WDR77: variants seen among roughly 807,000 people sequenced by gnomAD.
WDR77 encodes WD repeat domain 77, also known as methylosome protein WDR77.
WDR77 carries 31 observed loss-of-function variants against 44.0 expected under a neutral mutation model. The ratio of observed to expected loss-of-function variants is 0.70; its 90% CI spans 0.53 to 0.95. The LOEUF is 0.95. Among genes scored for constraint, WDR77 ranks in the 40% least tolerant of loss-of-function variants. WDR77 has a pLI of 0.00. For synonymous variants in WDR77, 186 were observed against 165.7 expected (o/e 1.12, Z -0.94); for missense variants, 390 against 423.9 (o/e 0.92, Z 0.70).
intron 4 of WDR77, among the ~76,000 whole-genome samples, chr1:111,444,829 G>T (rs966688344): frequency 7.2e-5 from 11 of 152,114 alleles, no homozygotes; most frequent in African/African-American, 2.7e-4. Context: ...CTAATAATGA[G>T]AACTAAAAAA....
intron 1 of WDR77, 89 bp from the exon 2 acceptor site, chr1:111,448,893 G>C: frequency 6.5e-7 from 1 of 1,538,954 alleles, no homozygotes; most frequent in South Asian, 1.2e-5. Flanking sequence ...GCCGGGTCTG[G>C]ATCTGAGCTC....
chr1:111,441,810 C>T (rs562616926), intron 9 of WDR77, among the ~76,000 whole-genome samples: 7 of 152,264 alleles, frequency 4.6e-5, no homozygotes, highest in South Asian at 2.1e-4. Context: ...CCTACCACCC[C>T]CCTCTACCAA....
rs1211993529 is a variant in WDR77, at chr1:111,440,909, C to G, written c.*321G>C. The G allele has an allele frequency of 5.6e-6, 1 of 180,108 alleles. No homozygotes were observed. Among genetic ancestry groups the G allele is most frequent in the Non-Finnish European group, 1.1e-5 (1 of 87,178 alleles). 11.2% of individuals were successfully genotyped at this position (180,108 alleles called of 1,614,324 possible). A position where few individuals can be genotyped will look rare whatever the true frequency, so the allele number is the denominator to read the frequency against. ...CAGCTACATAAAACCCTTTCGTCAA[C>G]TTGTTTTGGGGGGTGAGAGAGAGGC... On this transcript the variant is annotated 3_prime_UTR_variant, in exon 10 of 10. Transcript: ENST00000235090.
chr1:111,447,668 A>T (rs1035925785), intron 2 of WDR77, 92 bp from the exon 3 acceptor site: 15 of 1,473,518 alleles, frequency 1.0e-5, no homozygotes, highest in Admixed American at 6.9e-5. Flanking sequence ...TCACTAAATT[A>T]ACAAAGTAAG....
chr1:111,446,872 T>A (rs1351476737), intron 4 of WDR77: 1 of 543,428 alleles, frequency 1.8e-6, no homozygotes, highest in East Asian at 3.1e-5. Context: ...GTTCTATTCT[T>A]TCCTCCCTTT....
chr1:111,443,755 G>A (rs943300625), intron 6 of WDR77, 112 bp downstream of exon 6: 2 of 1,555,236 alleles, frequency 1.3e-6, no homozygotes, highest in Non-Finnish European at 1.7e-6. Context: ...TGTCACTCAT[G>A]TCACAGTAAC....
chr1:111,447,967 A>T (rs1431530962), intron 2 of WDR77, among the ~76,000 whole-genome samples: 1 of 152,266 alleles, frequency 6.6e-6, no homozygotes, highest in Non-Finnish European at 1.5e-5. Flanking sequence ...GACACTAGTA[A>T]GTATTTGCTG....
At chr1:111,441,921 A>T in intron 9 of WDR77, 104 bp downstream of exon 9, 1 of 1,129,980 alleles carries the variant, frequency 8.8e-7, no homozygotes, top group South Asian at 1.4e-5. Context: ...ACAGATGGAG[A>T]ATCTGTTCTC....
intron 9 of WDR77, 189 bp from the exon 10 acceptor site, chr1:111,441,578 T>A: frequency 7.7e-7 from 1 of 1,293,370 alleles, no homozygotes; most frequent in Non-Finnish European, 9.8e-7. Context: ...TCCAATCCAG[T>A]CTTCTATTTT....
chr1:111,441,747 A>C, intron 9 of WDR77: 1 of 634,010 alleles, frequency 1.6e-6, no homozygotes, highest in Non-Finnish European at 2.4e-6. Context: ...GTGAGAGGGT[A>C]GACTGCCGCC....
intron 1 of WDR77, 99 bp from the exon 2 acceptor site, chr1:111,448,903 C>G: frequency 6.5e-7 from 1 of 1,543,070 alleles, no homozygotes; most frequent in Non-Finnish European, 8.7e-7. Context: ...GATCTGAGCT[C>G]AGGAACGCGG....
At position 111,449,189 on chromosome 1, in the gene WDR77, A is replaced by G. The variant is rs1392839375; in HGVS notation, c.-20T>C. 5.1e-6 allele frequency: 8 copies of G among 1,558,444 alleles called. No individual in the cohort carries two copies. The highest frequency in any genetic ancestry group is 6.0e-6 in the Non-Finnish European group (7 of 1,158,446). ...CCGCATCTCCACGGTTCCAACTCCA[A>G]CCTAGACTCAAACTGGACGCCGGCC... On this transcript the variant is annotated 5_prime_UTR_variant, in exon 1 of 10. Transcript: ENST00000235090.
chr1:111,442,388 C>G (rs988251407), intron 8 of WDR77, among the ~76,000 whole-genome samples: 3 of 152,180 alleles, frequency 2.0e-5, no homozygotes, highest in Non-Finnish European at 4.4e-5. Context: ...GTCCTAGAAG[C>G]CCACAACATT....
intron 2 of WDR77, among the ~76,000 whole-genome samples, chr1:111,448,279 A>G (rs766884567): frequency 1.3e-5 from 2 of 152,158 alleles, no homozygotes; most frequent in Non-Finnish European, 2.9e-5. Context: ...AAATGGGAAG[A>G]GACATGTAGC....
In WDR77 at chr1:111,449,232, A is replaced by T; in HGVS notation, c.-63T>A. 8.5e-6 allele frequency: 13 copies of T among 1,535,280 alleles called. No homozygotes were observed. Among genetic ancestry groups the T allele is most frequent in the Non-Finnish European group, 1.0e-5 (12 of 1,146,352 alleles). On this transcript the variant is annotated 5_prime_UTR_variant, in exon 1 of 10. Coordinates refer to ENST00000235090, the MANE Select transcript of WDR77 (RefSeq NM_024102.4). The stretch of plus-strand genomic sequence containing the variant: ...CGCCGGCCGGAGACTCCGCTCCGGC[A>T]GCAAACCCCACGTGGTGCACCTCTG...
chr1:111,441,084 C>A lies in WDR77; in HGVS notation c.*146G>T. On this transcript the variant is annotated 3_prime_UTR_variant, in exon 10 of 10. Transcript: ENST00000235090. ...TACAGGAACCCAGAATCCAGCCTCC[C>A]TCAGGCTGAGAGACGATGCCTATTA... 1 of 907,466 alleles carries A rather than the reference C, an allele frequency of 1.1e-6. No individual in the cohort carries two copies. Among genetic ancestry groups the A allele is most frequent in the East Asian group, 3.1e-5 (1 of 32,192 alleles). 56.2% of individuals were successfully genotyped at this position (907,466 alleles called of 1,614,324 possible).
In WDR77 at chr1:111,449,148, G is replaced by C. The variant is rs768471611; in HGVS notation, c.22C>G (p.Pro8Ala). 3.0e-5 allele frequency: 47 copies of C among 1,590,714 alleles called. No individual in the cohort carries two copies. The highest frequency in any genetic ancestry group is 3.7e-5 in the Non-Finnish European group (43 of 1,173,904). The change falls in exon 1 of 10, where the codon CCC (proline) becomes GCC (alanine). Residue 8 changes from proline to alanine, a missense_variant. Pro to Ala is a conservative substitution (Grantham distance 27). Coordinates refer to ENST00000235090, the MANE Select transcript of WDR77 (RefSeq NM_024102.4). MRKETPP[P>A]LVPPAAREWN... ...TCCCGGGCCGCCGGGGGCACTAGGG[G>C]GGGTGGGGTTTCCTTCCGCATCTCC...
Position 111,441,355 on chromosome 1 carries a change from C to T in WDR77, c.904G>A (p.Asp302Asn). 6.4e-7 allele frequency: 1 copy of T among 1,562,646 alleles called. No homozygotes were observed. The highest frequency in any genetic ancestry group is 8.7e-7 in the Non-Finnish European group (1 of 1,151,162). Residue 302 changes from aspartate (D) to asparagine (N), a missense_variant, in exon 10 of 10, where the codon GAT (aspartate) becomes AAT (asparagine). By Grantham distance (23) the Asp-to-Asn change is conservative (BLOSUM62 1). Transcript: ENST00000235090. ...RSQAHRDFVR[D>N]ATWSPLNHSL... ...TGATTGAGCGGGGACCAAGTCGCAT[C>T]TCTCACAAAGTCTCTGTGGGCTTGG...
At position 111,441,113 on chromosome 1, in the gene WDR77, G is replaced by GCA. The variant is rs1378102249; in HGVS notation, c.*115_*116dup. 1 of 1,138,882 alleles carries GCA rather than the reference G, an allele frequency of 8.8e-7. No individual in the cohort carries two copies. Among genetic ancestry groups the GCA allele is most frequent in the Non-Finnish European group, 1.2e-6 (1 of 867,046 alleles). The allele number at this position is 1,138,882 out of a possible 1,614,324, so 70.5% of individuals were successfully genotyped here. On this transcript the variant is annotated 3_prime_UTR_variant, in exon 10 of 10. Coordinates refer to ENST00000235090, the MANE Select transcript of WDR77 (RefSeq NM_024102.4). The stretch of plus-strand genomic sequence containing the variant: ...GGCTGAGAGACGATGCCTATTAACG[G>GCA]CACAGATCTAGCATATCAACATACT...
Sources: gnomAD v4.1 joint callset for allele counts (sites outside exome capture counted in the v4.1 genomes callset) on GRCh38, gnomAD v4.1.1 for gene constraint, MANE v1.5 for transcripts, NCBI Gene and HGNC (gene_info 2026-07-23, HGNC 2026-07-21) for gene names.